ZNF385B: variants seen among roughly 807,000 people sequenced by gnomAD.
ZNF385B encodes zinc finger protein 533.
In ZNF385B, 23 loss-of-function variants were observed where a neutral mutation model predicts 39.2. The ratio of observed to expected loss-of-function variants is 0.59; its 90% confidence interval spans 0.42 to 0.83. ZNF385B has a LOEUF of 0.83. ZNF385B is among the 40% of genes least tolerant of loss of function. The probability of loss-of-function intolerance (pLI) is 0.00; values close to 1 mark genes in which losing one functional copy is unlikely to be tolerated. For synonymous variants in ZNF385B, 205 were observed against 222.6 expected (o/e 0.92, Z 0.70); for missense variants, 552 against 598.9 (o/e 0.92, Z 0.82).
At chr2:179,840,319 T>C (rs1227526931) in intron 1 of ZNF385B, among the ~76,000 whole-genome samples, 1 of 152,132 alleles carries the variant, frequency 6.6e-6, no homozygotes, top group Non-Finnish European at 1.5e-5. Context: ...GTTCTATATA[T>C]CCATATTCAA....
At chr2:179,724,270 C>T (rs1359544361) in intron 3 of ZNF385B, among the ~76,000 whole-genome samples, 2 of 152,086 alleles carry the variant, frequency 1.3e-5, no homozygotes, top group Non-Finnish European at 2.9e-5. Flanking sequence ...GATTGCGCCA[C>T]TGCACTCCAG....
At chr2:179,749,571 T>C (rs1378845737) in intron 3 of ZNF385B, among the ~76,000 whole-genome samples, 2 of 152,122 alleles carry the variant, frequency 1.3e-5, no homozygotes, top group African/African-American at 4.8e-5. Flanking sequence ...GAAAGTCAAA[T>C]GTCTGTGTGA....
Position 179,483,431 on chromosome 2 carries a change from G to A in ZNF385B, c.556C>T (p.Gln186Ter). 6.2e-7 allele frequency: 1 copy of A among 1,613,812 alleles called. No homozygotes were observed. The change falls in exon 6 of 10, where the codon CAG becomes TAG. Residue 186 changes from glutamine to a stop codon, truncating the protein, a stop_gained. Coordinates refer to ENST00000410066, the MANE Select transcript of ZNF385B (RefSeq NM_152520.6). LOFTEE classifies it high-confidence loss of function. Reference protein sequence around the residue: ...VCQLRFNSDSQAEAHYKGSKH... With the variant: ...VCQLRFNSDS ...CTTCCTTTGTAGTGGGCCTCGGCCT[G>A]GCTCTACAAAGGAGAACAAATCAGG...
intron 3 of ZNF385B, among the ~76,000 whole-genome samples, chr2:179,658,570 T>C (rs1554105): frequency 0.13 from 19,402 of 152,188 alleles, 1,952 homozygotes; most frequent in African/African-American, 0.28. Flanking sequence ...TCTTTACTTA[T>C]AATACTGTTA....
At chr2:179,710,642 G>C (rs1243401762) in intron 3 of ZNF385B, among the ~76,000 whole-genome samples, 1 of 152,104 alleles carries the variant, frequency 6.6e-6, no homozygotes, top group African/African-American at 2.4e-5. Context: ...CAGTGGTGTT[G>C]GTCTCAAAAT....
At chr2:179,756,384 C>T (rs565703918) in intron 3 of ZNF385B, among the ~76,000 whole-genome samples, 4 of 152,224 alleles carry the variant, frequency 2.6e-5, no homozygotes, top group African/African-American at 4.8e-5. Context: ...GTGGGTAACC[C>T]GACCTTTCTC....
At chr2:179,861,065 G>T (rs960116156) in intron 1 of ZNF385B, 36 bp downstream of exon 1, 3 of 162,284 alleles carry the variant, frequency 1.8e-5, no homozygotes, top group Admixed American at 1.3e-4. Flanking sequence ...CGCCCAGTCC[G>T]GGGGCGCCGG....
intron 3 of ZNF385B, among the ~76,000 whole-genome samples, chr2:179,723,169 T>C (rs1700797365): frequency 6.6e-6 from 1 of 152,130 alleles, no homozygotes; most frequent in South Asian, 2.1e-4. Context: ...TCACTTAATA[T>C]ATAATAATTG....
rs374459832 is a variant in ZNF385B, at chr2:179,705,965, C to T, written c.298+63538G>A. 1.1e-3 allele frequency among the ~76,000 whole-genome samples: 161 copies of T among 152,298 alleles called. 2 individuals carry two copies. Among genetic ancestry groups the T allele is most frequent in the African/African-American group, 3.8e-3 (158 of 41,558 alleles). ...CCCCTTTCTCCTTATCTATTGATTCCTAATCCTCCTTTTAGTCCCTACCTC... is the reference window on the plus strand; with the variant it reads ...CCCCTTTCTCCTTATCTATTGATTCTTAATCCTCCTTTTAGTCCCTACCTC... On this transcript the variant is annotated intron_variant, in intron 3 of 9. Coordinates refer to ENST00000410066, the MANE Select transcript of ZNF385B (RefSeq NM_152520.6).
chr2:179,461,000 C>T (rs1262059196), intron 6 of ZNF385B, among the ~76,000 whole-genome samples: 1 of 152,114 alleles, frequency 6.6e-6, no homozygotes, highest in East Asian at 1.9e-4. Context: ...TAGGCAATTA[C>T]AATATTTAAC....
chr2:179,784,525 T>C (rs1474915371), intron 1 of ZNF385B, among the ~76,000 whole-genome samples: 2 of 152,034 alleles, frequency 1.3e-5, no homozygotes, highest in African/African-American at 2.4e-5. Context: ...CATTCAGATA[T>C]TTAAGAGACA....
intron 1 of ZNF385B, among the ~76,000 whole-genome samples, chr2:179,805,895 CTTA>C (rs1410748278): frequency 6.6e-6 from 1 of 152,150 alleles, no homozygotes; most frequent in Non-Finnish European, 1.5e-5. Context: ...AGCTCTCTAA[CTTA>C]TTATGCTAGA....
chr2:179,470,192 G>T (rs2052583167), intron 6 of ZNF385B, among the ~76,000 whole-genome samples: 1 of 152,146 alleles, frequency 6.6e-6, no homozygotes, highest in Non-Finnish European at 1.5e-5. Context: ...CTTGTACAGA[G>T]ACCACATGTT....
intron 1 of ZNF385B, among the ~76,000 whole-genome samples, chr2:179,777,893 C>G (rs1307100877): frequency 6.6e-6 from 1 of 151,950 alleles, no homozygotes; most frequent in African/African-American, 2.4e-5. Context: ...CCGCCTCAGC[C>G]TCATGAGTAG....
At chr2:179,532,475 G>C (rs2059311329) in intron 4 of ZNF385B, among the ~76,000 whole-genome samples, 1 of 152,122 alleles carries the variant, frequency 6.6e-6, no homozygotes, top group Non-Finnish European at 1.5e-5. Context: ...CATGTCAAGT[G>C]TCTCCGTAAC....
At chr2:179,731,094 G>T (rs928602136) in intron 3 of ZNF385B, among the ~76,000 whole-genome samples, 9 of 152,172 alleles carry the variant, frequency 5.9e-5, no homozygotes, top group African/African-American at 1.7e-4. Context: ...GTATACATTT[G>T]GTTTCAACCT....
At chr2:179,577,269 C>G (rs1261518657) in intron 3 of ZNF385B, among the ~76,000 whole-genome samples, 1 of 152,058 alleles carries the variant, frequency 6.6e-6, no homozygotes, top group Non-Finnish European at 1.5e-5. Flanking sequence ...TAAGCCAAAA[C>G]TATTTTCTGA....
chr2:179,801,560 C>T (rs915249983), intron 1 of ZNF385B, among the ~76,000 whole-genome samples: 1 of 152,122 alleles, frequency 6.6e-6, no homozygotes, highest in Non-Finnish European at 1.5e-5. Flanking sequence ...TTATTGTAGT[C>T]ATGTCTATCT....
chr2:179,807,840 A>C (rs1282203112), intron 1 of ZNF385B, among the ~76,000 whole-genome samples: 1 of 149,658 alleles, frequency 6.7e-6, no homozygotes, highest in Non-Finnish European at 1.5e-5. Flanking sequence ...GCTTGCAGTG[A>C]GCTGAGATCA....
Sources: gnomAD v4.1 joint callset for allele counts (sites outside exome capture counted in the v4.1 genomes callset) on GRCh38, gnomAD v4.1.1 for gene constraint, MANE v1.5 for transcripts, NCBI Gene and HGNC (gene_info 2026-07-23, HGNC 2026-07-21) for gene names.